The following CDH18 variants were observed in gnomAD, a reference collection of about 807,000 sequenced individuals.
The protein encoded by CDH18 is cadherin-18.
Under a neutral mutation model 67.9 loss-of-function variants are expected in CDH18, and 31 were observed. The observed-to-expected ratio is 0.46, with a 90% CI of 0.34 to 0.62. CDH18 has a LOEUF of 0.62. CDH18 is among the 20% of genes least tolerant of loss of function. The pLI is 0.01. For synonymous variants in CDH18, 362 were observed against 347.2 expected, an observed-to-expected ratio of 1.04 and a Z score of -0.48; for missense variants, 890 against 975.5, an observed-to-expected ratio of 0.91 and a Z score of 1.17.
chr5:20,363,256 G>A (rs1742234578), intron 1 of CDH18, among the ~76,000 whole-genome samples: 1 of 151,522 alleles, frequency 6.6e-6, no homozygotes, highest in African/African-American at 2.4e-5. Flanking sequence ...AGGCCAAGGA[G>A]GGTGAATCCC....
At chr5:20,376,743 G>A (rs1333869254) in intron 1 of CDH18, among the ~76,000 whole-genome samples, 2 of 152,030 alleles carry the variant, frequency 1.3e-5, no homozygotes, top group East Asian at 1.9e-4. Flanking sequence ...AAGGCTGGGC[G>A]TGGTGGCTCA....
At chr5:19,891,657 A>G (rs994179063) in intron 2 of CDH18, among the ~76,000 whole-genome samples, 9 of 152,164 alleles carry the variant, frequency 5.9e-5, no homozygotes, top group Admixed American at 4.6e-4. Context: ...AGAAGATTCT[A>G]GCCTCAGATT....
At chr5:20,308,079 CTTTTTTTTTTT>C (rs759117114) in intron 1 of CDH18, among the ~76,000 whole-genome samples, 255 of 85,440 alleles carry the variant, frequency 3.0e-3, no homozygotes, top group African/African-American at 0.012. Flanking sequence ...AATACTACTG[CTTTTTTTTTTT>C]TTTTTTTTTT....
intron 2 of CDH18, among the ~76,000 whole-genome samples, chr5:19,928,363 C>T (rs1484906584): frequency 1.3e-5 from 2 of 152,108 alleles, no homozygotes; most frequent in Non-Finnish European, 2.9e-5. Context: ...ACACAGAAAG[C>T]ATTATACAAA....
rs150976586 is a variant in CDH18, at chr5:20,354,590, G to T, written c.-579-99085C>A. Reference sequence around the variant, plus strand: ...CGATTTTTTGTACAGGCAGGGTCTTGCTATGTTGCCCAGGCTAGTCTCGAA... The same window carrying T: ...CGATTTTTTGTACAGGCAGGGTCTTTCTATGTTGCCCAGGCTAGTCTCGAA... On this transcript the variant is annotated intron_variant, in intron 1 of 14. Transcript: ENST00000507958. Among the ~76,000 whole-genome samples the T allele has an allele frequency of 3.3e-5, 5 of 152,160 alleles. No individual in the cohort carries two copies. The East Asian group carries it at 5.8e-4, about 18-fold the overall frequency.
intron 6 of CDH18, among the ~76,000 whole-genome samples, chr5:19,610,999 G>A (rs1748860982): frequency 6.6e-6 from 1 of 152,078 alleles, no homozygotes; most frequent in South Asian, 2.1e-4. Flanking sequence ...TGATTTGCAT[G>A]TATTTAATAA....
rs116722943 is a variant in CDH18, at chr5:20,268,077, G to T, written c.-579-12572C>A. Among the ~76,000 whole-genome samples, 1,314 of 152,180 alleles carry T rather than the reference G, an allele frequency of 8.6e-3. 21 individuals are homozygous for T. Among genetic ancestry groups the T allele is most frequent in the African/African-American group, 0.029 (1,202 of 41,520 alleles). ...TTATTTTTTGTTCCTGCATTAATTT[G>T]CTTAGGATAATTGCCTCCAGTTGCA... On this transcript the variant is annotated intron_variant, in intron 1 of 14. Coordinates refer to the CDH18 transcript ENST00000507958.
intron 2 of CDH18, among the ~76,000 whole-genome samples, chr5:20,047,397 A>G (rs1741001584): frequency 6.6e-6 from 1 of 151,916 alleles, no homozygotes; most frequent in South Asian, 2.1e-4. Flanking sequence ...ACACCTTTGC[A>G]CTATTTTCAT....
At position 19,490,896 on chromosome 5, in the gene CDH18, C is replaced by CAT. The variant is rs556238869; in HGVS notation, c.1631-7346_1631-7345dup. ...CAACAATCAATGTTTCTATGTTTTACATATATATATAAAACAACAATTAAT... is the reference window on the plus strand; with the variant it reads ...CAACAATCAATGTTTCTATGTTTTACATATATATATATAAAACAACAATTAAT... On this transcript the variant is annotated intron_variant, in intron 11 of 12. Transcript: ENST00000382275. 9.2e-5 allele frequency among the ~76,000 whole-genome samples: 14 copies of CAT among 151,814 alleles called. No individual in the cohort carries two copies. The South Asian group carries it at 1.3e-3, about 14-fold the overall frequency.
intron 1 of CDH18, among the ~76,000 whole-genome samples, chr5:20,376,471 T>C (rs1743454179): frequency 6.6e-6 from 1 of 151,860 alleles, no homozygotes; most frequent in South Asian, 2.1e-4. Flanking sequence ...ATGTGTTTGC[T>C]TTCAATTGAA....
chr5:19,843,210 TA>T (rs1234499548), intron 2 of CDH18, among the ~76,000 whole-genome samples: 1 of 152,168 alleles, frequency 6.6e-6, no homozygotes, highest in Non-Finnish European at 1.5e-5. Flanking sequence ...CCCAGAGTCC[TA>T]GGCGGGAAAA....
intron 1 of CDH18, among the ~76,000 whole-genome samples, chr5:20,390,442 C>T (rs984174526): frequency 2.6e-5 from 4 of 152,108 alleles, no homozygotes; most frequent in Non-Finnish European, 5.9e-5. Context: ...AATGAGACAC[C>T]ATCTCACACC....
At chr5:20,244,906 A>G (rs1369782675) in intron 2 of CDH18, among the ~76,000 whole-genome samples, 1 of 152,108 alleles carries the variant, frequency 6.6e-6, no homozygotes, top group African/African-American at 2.4e-5. Context: ...TCTTTTCTTT[A>G]TTCTATTCAG....
chr5:20,244,746 T>A (rs1363367468), intron 2 of CDH18, among the ~76,000 whole-genome samples: 4 of 152,216 alleles, frequency 2.6e-5, no homozygotes, highest in South Asian at 4.1e-4. Context: ...AATGTATTAT[T>A]TTGTTATCAA....
chr5:20,441,387 C>T (rs933806207), intron 1 of CDH18, among the ~76,000 whole-genome samples: 2 of 151,598 alleles, frequency 1.3e-5, no homozygotes, highest in Non-Finnish European at 1.5e-5. Flanking sequence ...TGTGTTTTCA[C>T]GTGTGTGTAA....
At chr5:20,015,223 C>T (rs1737778629) in intron 2 of CDH18, among the ~76,000 whole-genome samples, 1 of 152,172 alleles carries the variant, frequency 6.6e-6, no homozygotes, top group Non-Finnish European at 1.5e-5. Context: ...TACTCTGGGT[C>T]AAGTTTCCCA....
chr5:20,359,019 G>A (rs1055054364), intron 1 of CDH18, among the ~76,000 whole-genome samples: 12 of 144,072 alleles, frequency 8.3e-5, no homozygotes, highest in Admixed American at 2.9e-4. Context: ...CGCAACCTCC[G>A]CCTCCTGGTT....
chr5:20,158,326 AT>A (rs771396796), intron 2 of CDH18, among the ~76,000 whole-genome samples: 7 of 152,086 alleles, frequency 4.6e-5, no homozygotes, highest in African/African-American at 1.2e-4. Flanking sequence ...AAAAAAAGTA[AT>A]TTTTTTCACA....
chr5:20,475,577 A>G (rs1752379706), intron 1 of CDH18, among the ~76,000 whole-genome samples: 1 of 152,204 alleles, frequency 6.6e-6, no homozygotes, highest in Admixed American at 6.5e-5. Context: ...CAGGGTATGT[A>G]TGTCTGTATA....
Sources: allele counts gnomAD v4.1 joint callset (sites outside exome capture counted in the v4.1 genomes callset), GRCh38; gene constraint gnomAD v4.1.1; transcripts MANE v1.5; gene names NCBI Gene and HGNC (gene_info 2026-07-23, HGNC 2026-07-21).